The following SLC24A2 variants were observed in gnomAD, a reference collection of about 807,000 sequenced individuals.
The protein encoded by SLC24A2 is sodium/potassium/calcium exchanger 2.
A neutral mutation model predicts 62.0 loss-of-function variants in SLC24A2; 36 were observed. The observed-to-expected ratio is 0.58, with a 90% CI of 0.44 to 0.77. The LOEUF (loss-of-function observed/expected upper bound fraction) is 0.77. Among genes scored for constraint, SLC24A2 ranks in the 30% least tolerant of loss-of-function variants. The pLI, the probability that SLC24A2 is intolerant of heterozygous loss-of-function variation, is 0.00. For missense variants in SLC24A2, 846 were observed against 817.9 expected (o/e 1.03, Z -0.42); for synonymous variants, 358 against 294.0 (o/e 1.22, Z -2.23).
intron 2 of SLC24A2, among the ~76,000 whole-genome samples, chr9:19,668,901 A>AAGTACATAGTACTATTC (rs1209880186): frequency 1.3e-5 from 2 of 152,192 alleles, no homozygotes; most frequent in Non-Finnish European, 2.9e-5. Flanking sequence ...ATGTATATAA[A>AAGTACATAGTACTATTC]AGTACATAGT....
chr9:19,884,037 C>A, the SLC24A2 span, among the ~76,000 whole-genome samples: 1 of 152,138 alleles, frequency 6.6e-6, no homozygotes, highest in Non-Finnish European at 1.5e-5. Context: ...CTTTAAATAT[C>A]AACTATACTC....
At chr9:19,598,407 C>T (rs778130310) in intron 4 of SLC24A2, among the ~76,000 whole-genome samples, 4 of 152,036 alleles carry the variant, frequency 2.6e-5, no homozygotes, top group African/African-American at 7.2e-5. Context: ...AATAAATATT[C>T]GTGTATTTCA....
the SLC24A2 span, among the ~76,000 whole-genome samples, chr9:20,277,663 T>C: frequency 6.6e-6 from 1 of 152,198 alleles, no homozygotes; most frequent in Non-Finnish European, 1.5e-5. Flanking sequence ...TTCAGCCATT[T>C]TGGAAGACAG....
chr9:20,249,932 A>G, the SLC24A2 span, among the ~76,000 whole-genome samples: 1 of 152,212 alleles, frequency 6.6e-6, no homozygotes, highest in Non-Finnish European at 1.5e-5. Context: ...ATATTCAAAT[A>G]AAAGAAAATA....
chr9:19,904,687 G>A, the SLC24A2 span, among the ~76,000 whole-genome samples: 2 of 151,678 alleles, frequency 1.3e-5, no homozygotes, highest in Non-Finnish European at 2.9e-5. Flanking sequence ...TGCATACATT[G>A]TATGGTTTCT....
At chr9:19,697,691 A>C (rs1291636740) in intron 2 of SLC24A2, among the ~76,000 whole-genome samples, 1 of 152,202 alleles carries the variant, frequency 6.6e-6, no homozygotes, top group Non-Finnish European at 1.5e-5. Flanking sequence ...TTAAAAATAT[A>C]CATTTAGCAG....
the SLC24A2 span, among the ~76,000 whole-genome samples, chr9:20,139,819 T>G: frequency 6.6e-6 from 1 of 152,132 alleles, no homozygotes; most frequent in Non-Finnish European, 1.5e-5. Context: ...CAGAGAACCA[T>G]TAAATTAAAA....
chr9:19,606,771 G>C (rs1836995379), intron 4 of SLC24A2, among the ~76,000 whole-genome samples: 2 of 152,198 alleles, frequency 1.3e-5, no homozygotes, highest in South Asian at 4.1e-4. Context: ...AGCCTCCTTT[G>C]AGCCCGGGGA....
chr9:20,115,500 A>T, the SLC24A2 span, among the ~76,000 whole-genome samples: 2 of 152,124 alleles, frequency 1.3e-5, no homozygotes, highest in African/African-American at 2.4e-5. Flanking sequence ...AATTCAAAGT[A>T]CCCAGCAAGC....
At position 19,788,991 on chromosome 9, in the gene SLC24A2, G is replaced by C; in HGVS notation, c.-260C>G. Reference sequence around the variant, plus strand: ...CGCTCTGAGGCCCGGGCTCTGGCTCGCACTGGCTGCCGCTCTCGCCAGCCG... The same window carrying C: ...CGCTCTGAGGCCCGGGCTCTGGCTCCCACTGGCTGCCGCTCTCGCCAGCCG... On this transcript the variant is annotated 5_prime_UTR_variant, in exon 1 of 11. Transcript: ENST00000341998. 4.1e-6 allele frequency: 4 copies of C among 964,742 alleles called. No homozygotes were observed. The highest frequency in any genetic ancestry group is 4.9e-6 in the Non-Finnish European group (4 of 811,036). The allele number at this position is 964,742 out of a possible 1,614,324, so 59.8% of individuals were successfully genotyped here. A position where few individuals can be genotyped will look rare whatever the true frequency, so the allele number is the denominator to read the frequency against.
the SLC24A2 span, among the ~76,000 whole-genome samples, chr9:19,866,977 G>A: frequency 1.3e-5 from 2 of 151,938 alleles, no homozygotes; most frequent in Non-Finnish European, 2.9e-5. Flanking sequence ...ATGAATAAAT[G>A]AATAAGTCCT....
the SLC24A2 span, among the ~76,000 whole-genome samples, chr9:20,093,367 C>G: frequency 1.3e-5 from 2 of 151,912 alleles, no homozygotes; most frequent in East Asian, 1.9e-4. Context: ...CCACCACGCC[C>G]GGCCTATTTT....
At chr9:19,519,257 A>G (rs1833077829) in intron 10 of SLC24A2, among the ~76,000 whole-genome samples, 1 of 152,186 alleles carries the variant, frequency 6.6e-6, no homozygotes, top group South Asian at 2.1e-4. Context: ...TTACTAAGAA[A>G]ACTTTGTGAA....
intron 5 of SLC24A2, among the ~76,000 whole-genome samples, chr9:19,595,147 TTTACAATTTATTATA>T (rs1420806507): frequency 6.6e-6 from 1 of 152,222 alleles, no homozygotes; most frequent in Non-Finnish European, 1.5e-5. Context: ...TCCATCCCTC[TTTACAATTTATTATA>T]TGCTGCAGTA....
intron 4 of SLC24A2, among the ~76,000 whole-genome samples, chr9:19,606,369 C>T (rs981386150): frequency 1.3e-5 from 2 of 152,238 alleles, no homozygotes; most frequent in African/African-American, 4.8e-5. Context: ...AGCAAAGCTA[C>T]ATTCACTATT....
chr9:19,934,460 G>A, the SLC24A2 span, among the ~76,000 whole-genome samples: 1 of 151,740 alleles, frequency 6.6e-6, no homozygotes, highest in South Asian at 2.1e-4. This position sits in a 1 kb window ranked among gnomAD's most constrained non-coding sequence, Gnocchi z 4.1. Flanking sequence ...GCACCACAAG[G>A]ACCCCAAGCA....
chr9:20,038,486 C>T, the SLC24A2 span, among the ~76,000 whole-genome samples: 1 of 152,172 alleles, frequency 6.6e-6, no homozygotes, highest in African/African-American at 2.4e-5. Context: ...CAACGCAGTG[C>T]TCTCTGCAGG....
chr9:20,127,866 C>T, the SLC24A2 span, among the ~76,000 whole-genome samples: 22,413 of 152,002 alleles, frequency 0.15, 2,221 homozygotes, highest in East Asian at 0.46. Context: ...AGAGGAGAGA[C>T]GGTCACTCTA....
At position 19,629,403 on chromosome 9, in the gene SLC24A2, CTTTGA is replaced by C. The variant is rs1031538145; in HGVS notation, c.931-7109_931-7105del. On this transcript the variant is annotated intron_variant, in intron 2 of 10. Coordinates refer to ENST00000341998, the MANE Select transcript of SLC24A2 (RefSeq NM_020344.4). ...GATTGTTGTGAATTTAGAATGAAAG[CTTTGA>C]TTTGTGTTTATTTTGTACAAAAAGC... Among the ~76,000 whole-genome samples the C allele has an allele frequency of 1.4e-4, 21 of 152,076 alleles. 1 individual carries two copies. The highest frequency in any genetic ancestry group is 1.4e-3 in the Admixed American group (21 of 15,242).
Sources: allele counts gnomAD v4.1 joint callset (sites outside exome capture counted in the v4.1 genomes callset), GRCh38; gene constraint gnomAD v4.1.1; non-coding constraint Gnocchi (gnomAD v3.1); transcripts MANE v1.5; gene names NCBI Gene and HGNC (gene_info 2026-07-23, HGNC 2026-07-21).